The following EPS15 variants were observed in gnomAD, a reference collection of about 807,000 sequenced individuals.
EPS15 encodes the protein epidermal growth factor receptor pathway substrate 15.
In EPS15, 72 loss-of-function variants were observed where a neutral mutation model predicts 113.8. The ratio of observed to expected loss-of-function variants is 0.63; its 90% CI spans 0.52 to 0.77. EPS15 has a LOEUF of 0.77. Ranked by LOEUF, EPS15 falls within the 30% of genes least tolerant of loss-of-function variation. The probability of loss-of-function intolerance (pLI) is 0.00; values close to 1 mark genes in which losing one functional copy is unlikely to be tolerated. For synonymous variants in EPS15, 344 were observed against 363.4 expected (o/e 0.95, Z 0.61); for missense variants, 1,048 against 1,045.8 (o/e 1.00, Z -0.03).
chr1:51,482,447 A>T (rs1644037304), intron 1 of EPS15, among the ~76,000 whole-genome samples: 1 of 152,138 alleles, frequency 6.6e-6, no homozygotes, highest in South Asian at 2.1e-4. Context: ...ATTTTGTAGA[A>T]GACAACTTAT....
chr1:51,488,472 T>TAAAAAAAAAAAAAAAA (rs71063033), intron 1 of EPS15, among the ~76,000 whole-genome samples: 27 of 85,300 alleles, frequency 3.2e-4, no homozygotes, highest in African/African-American at 3.8e-4. Flanking sequence ...TAAAGTTTTG[T>TAAAAAAAAAAAAAAAA]AAAAAAAAAA....
chr1:51,426,231 C>A (rs577735860), intron 12 of EPS15, among the ~76,000 whole-genome samples: 1 of 151,568 alleles, frequency 6.6e-6, no homozygotes, highest in East Asian at 1.9e-4. Context: ...CTTCTAATGT[C>A]TTTCTACTCA....
At position 51,481,265 on chromosome 1, in the gene EPS15, A is replaced by G; in HGVS notation, c.75+8T>C. On this transcript the variant is annotated splice_region_variant and intron_variant, in intron 2 of 24. Transcript: ENST00000371733. ...CAATCCAGGCAAACAATGAAACAAA[A>G]ATCTTACCTGTCTATAGTATTTTTC... 7.4e-7 allele frequency: 1 copy of G among 1,342,500 alleles called. No homozygotes were observed. The highest frequency in any genetic ancestry group is 1.1e-6 in the Non-Finnish European group (1 of 935,536). The allele number at this position is 1,342,500 out of a possible 1,614,324, so 83.2% of individuals were successfully genotyped here. A position where few individuals can be genotyped will look rare whatever the true frequency, so the allele number is the denominator to read the frequency against.
chr1:51,507,973 C>T (rs1045196875), intron 1 of EPS15, among the ~76,000 whole-genome samples: 2 of 151,734 alleles, frequency 1.3e-5, no homozygotes, highest in African/African-American at 4.8e-5. Flanking sequence ...GTCAGAAGAT[C>T]GAGACCATCC....
chr1:51,491,172 T>G (rs1223993610), intron 1 of EPS15, among the ~76,000 whole-genome samples: 1 of 152,204 alleles, frequency 6.6e-6, no homozygotes, highest in African/African-American at 2.4e-5. Context: ...TTTAAAAAAT[T>G]TTTTAGTCTC....
rs572963777 is a variant in EPS15, at chr1:51,505,807, A to T, written c.33+13392T>A. Among the ~76,000 whole-genome samples, 259 of 152,174 alleles carry T rather than the reference A, an allele frequency of 1.7e-3. 2 individuals are homozygous for T. The highest frequency in any genetic ancestry group is 5.5e-3 in the African/African-American group (227 of 41,552). ...TTATTTTATTTTTATTTATTTATTT[A>T]TTTTTTGAGATGGAGTCTCTGTCAT... On this transcript the variant is annotated intron_variant, in intron 1 of 24. Coordinates refer to ENST00000371733, the MANE Select transcript of EPS15 (RefSeq NM_001981.3).
chr1:51,366,127 G>T, intron 21 of EPS15, 98 bp from the exon 22 acceptor site: 2 of 738,350 alleles, frequency 2.7e-6, no homozygotes, highest in Non-Finnish European at 4.4e-6. Context: ...AAGAGCAGTG[G>T]TACGATCATG....
chr1:51,392,276 A>C (rs913799430), intron 21 of EPS15, among the ~76,000 whole-genome samples: 7 of 152,334 alleles, frequency 4.6e-5, no homozygotes, highest in African/African-American at 1.7e-4. Flanking sequence ...TATAATAAAC[A>C]TAATACAAAT....
intron 9 of EPS15, 112 bp from the exon 10 acceptor site, chr1:51,447,217 T>C: frequency 2.3e-6 from 2 of 876,196 alleles, no homozygotes; most frequent in Non-Finnish European, 1.7e-6. Flanking sequence ...TCTACCCTAC[T>C]AACTCAGAGC....
chr1:51,491,885 C>CA (rs1242079555), intron 1 of EPS15, among the ~76,000 whole-genome samples: 3 of 131,610 alleles, frequency 2.3e-5, no homozygotes, highest in Non-Finnish European at 4.6e-5. Flanking sequence ...TTTTTTGAGA[C>CA]AGAGTGTTGC....
At chr1:51,423,249 T>C in intron 12 of EPS15, 1 of 1,288,954 alleles carries the variant, frequency 7.8e-7, no homozygotes, top group Non-Finnish European at 1.0e-6. Context: ...GATGTTGTGA[T>C]TTTAAACAGT....
intron 21 of EPS15, among the ~76,000 whole-genome samples, chr1:51,390,893 G>T (rs1647284501): frequency 6.6e-6 from 1 of 152,176 alleles, no homozygotes; most frequent in African/African-American, 2.4e-5. Flanking sequence ...CAACCATGTG[G>T]AATTCAGTGT....
At chr1:51,418,783 T>A (rs1347632972) in intron 13 of EPS15, among the ~76,000 whole-genome samples, 3 of 152,172 alleles carry the variant, frequency 2.0e-5, no homozygotes, top group African/African-American at 7.2e-5. Flanking sequence ...TATTCTTACA[T>A]CAGCTCTTAA....
intron 12 of EPS15, among the ~76,000 whole-genome samples, chr1:51,425,355 A>G (rs1651110775): frequency 6.6e-6 from 1 of 152,224 alleles, no homozygotes; most frequent in African/African-American, 2.4e-5. Context: ...GACTCTATGT[A>G]CAGGCAGTAG....
At chr1:51,414,384 C>G (rs1027943984) in intron 13 of EPS15, among the ~76,000 whole-genome samples, 1 of 151,662 alleles carries the variant, frequency 6.6e-6, no homozygotes, top group Non-Finnish European at 1.5e-5. Context: ...CCACTGCACT[C>G]CAGCCTGGGC....
rs1250314368 is a variant in EPS15 at position 51,355,535 on chromosome 1, C to A, written c.*1165G>T. ...TGATAATCTGGCAGGTCTCTTCTCTCCCAATTAAAAAAACAAGAGTTTTTT... is the reference window on the plus strand; with the variant it reads ...TGATAATCTGGCAGGTCTCTTCTCTACCAATTAAAAAAACAAGAGTTTTTT... On this transcript the variant is annotated 3_prime_UTR_variant, in exon 25 of 25. Transcript: ENST00000371733. 2 of 192,102 alleles carry A rather than the reference C, an allele frequency of 1.0e-5. No individual in the cohort carries two copies. Among genetic ancestry groups the A allele is most frequent in the Non-Finnish European group, 1.1e-5 (1 of 92,186 alleles). The allele number at this position is 192,102 out of a possible 1,614,324, so 11.9% of individuals were successfully genotyped here.
chr1:51,431,987 A>G (rs1423207758), intron 12 of EPS15, among the ~76,000 whole-genome samples: 2 of 152,150 alleles, frequency 1.3e-5, no homozygotes, highest in Non-Finnish European at 2.9e-5. Flanking sequence ...TATTATTATT[A>G]CCATTACATT....
Position 51,383,741 on chromosome 1 carries a change from C to A in EPS15, c.2119+10640G>T, listed in dbSNP as rs111668444. ...TGCAATATAGTAGTGGAAGTCCTAG[C>A]CAAAGCACTTAGGCAAGAAAAAGAA... On this transcript the variant is annotated intron_variant, in intron 21 of 24. Coordinates refer to ENST00000371733, the MANE Select transcript of EPS15 (RefSeq NM_001981.3). Among the ~76,000 whole-genome samples the A allele has an allele frequency of 7.1e-3, 1,076 of 152,144 alleles. 8 individuals are homozygous for A. The highest frequency in any genetic ancestry group is 0.025 in the African/African-American group (1,034 of 41,494).
chr1:51,437,853 A>T (rs1434376884), intron 12 of EPS15, among the ~76,000 whole-genome samples: 1 of 152,154 alleles, frequency 6.6e-6, no homozygotes, highest in Non-Finnish European at 1.5e-5. Context: ...GTCAGGTAAC[A>T]ATTTAGCAAA....
Sources: gnomAD v4.1 joint callset for allele counts (sites outside exome capture counted in the v4.1 genomes callset) on GRCh38, gnomAD v4.1.1 for gene constraint, MANE v1.5 for transcripts, NCBI Gene and HGNC (gene_info 2026-07-23, HGNC 2026-07-21) for gene names.